Variants in CTNNA3 observed in about 807,000 individuals in gnomAD.
The protein encoded by CTNNA3 is catenin alpha-3.
In CTNNA3, 76 loss-of-function variants were observed where a neutral mutation model predicts 95.7. The observed-to-expected ratio is 0.79, with a 90% CI of 0.66 to 0.96. The LOEUF (loss-of-function observed/expected upper bound fraction) is 0.96, where lower values mean the gene tolerates loss of function less well. Among genes scored for constraint, CTNNA3 ranks in the 40% least tolerant of loss-of-function variants. CTNNA3 has a pLI of 0.00. For synonymous variants in CTNNA3, 431 were observed against 374.4 expected, an observed-to-expected ratio of 1.15 and a Z score of -1.74; for missense variants, 1,191 against 1,089.8, an observed-to-expected ratio of 1.09 and a Z score of -1.31.
intron 5 of CTNNA3, among the ~76,000 whole-genome samples, chr10:67,375,170 C>A (rs1843641404): frequency 6.6e-6 from 1 of 152,196 alleles, no homozygotes; most frequent in Non-Finnish European, 1.5e-5. Context: ...CCTAACTCTA[C>A]CACTAACTAG....
At chr10:67,117,799 T>A (rs17209962) in intron 7 of CTNNA3, among the ~76,000 whole-genome samples, 8,457 of 152,032 alleles carry the variant, frequency 0.056, 347 homozygotes, top group South Asian at 0.18. Flanking sequence ...GCTGTGCAAT[T>A]AGGTTAATAA....
intron 12 of CTNNA3, among the ~76,000 whole-genome samples, chr10:66,329,578 GAAA>G (rs34732600): frequency 0.062 from 9,216 of 149,550 alleles, 448 homozygotes; most frequent in East Asian, 0.11. Flanking sequence ...ATGTTTCAGG[GAAA>G]AAAAAAAAAA....
chr10:66,197,099 CT>C (rs1338868923), intron 13 of CTNNA3, among the ~76,000 whole-genome samples: 1 of 152,156 alleles, frequency 6.6e-6, no homozygotes, highest in African/African-American at 2.4e-5. Context: ...TGTCACCTGA[CT>C]TTCCAATTTT....
At chr10:66,052,487 A>C (rs995168909) in intron 15 of CTNNA3, among the ~76,000 whole-genome samples, 1 of 152,200 alleles carries the variant, frequency 6.6e-6, no homozygotes, top group Non-Finnish European at 1.5e-5. Flanking sequence ...TGTTTACTAG[A>C]GAGGGTCAAG....
chr10:66,704,241 C>T (rs554731908), intron 9 of CTNNA3, among the ~76,000 whole-genome samples: 4 of 152,186 alleles, frequency 2.6e-5, no homozygotes, highest in African/African-American at 4.8e-5. Context: ...ATATGGTAGT[C>T]AACACTATAC....
chr10:67,218,080 T>TC (rs1864468183), intron 6 of CTNNA3, among the ~76,000 whole-genome samples: 2 of 152,198 alleles, frequency 1.3e-5, no homozygotes, highest in South Asian at 4.1e-4. Context: ...AGATAATTCA[T>TC]TAGGTATATG....
chr10:66,744,391 G>C (rs1444205336), intron 9 of CTNNA3, among the ~76,000 whole-genome samples: 1 of 152,096 alleles, frequency 6.6e-6, no homozygotes. Flanking sequence ...TTTAGTGTTA[G>C]AAGCACCTTA....
intron 9 of CTNNA3, among the ~76,000 whole-genome samples, chr10:66,685,004 C>T (rs1226312443): frequency 1.3e-5 from 2 of 151,032 alleles, no homozygotes; most frequent in Admixed American, 6.6e-5. Flanking sequence ...TCTATCATGG[C>T]TAATAGTTCA....
chr10:66,361,980 G>T (rs2092679521), intron 12 of CTNNA3, among the ~76,000 whole-genome samples: 1 of 151,718 alleles, frequency 6.6e-6, no homozygotes, highest in African/African-American at 2.4e-5. Flanking sequence ...AACTTTATTA[G>T]CCTTTGTAAT....
chr10:66,005,970 T>G (rs143861106), intron 15 of CTNNA3, among the ~76,000 whole-genome samples: 2,323 of 151,362 alleles, frequency 0.015, 57 homozygotes, highest in African/African-American at 0.053. Context: ...GTGGTGCCTT[T>G]CCAGACTCAT....
intron 7 of CTNNA3, among the ~76,000 whole-genome samples, chr10:66,831,602 T>G (rs1842722786): frequency 6.6e-6 from 1 of 152,104 alleles, no homozygotes; most frequent in Non-Finnish European, 1.5e-5. Flanking sequence ...ATAAGCACCA[T>G]GAAAGCAGCG....
chr10:66,675,856 A>G (rs74141634), intron 9 of CTNNA3, among the ~76,000 whole-genome samples: 5,167 of 152,158 alleles, frequency 0.034, 313 homozygotes, highest in African/African-American at 0.12. Flanking sequence ...GCTATGACAG[A>G]ATATTTGGGA....
chr10:66,445,550 G>A (rs1046378695), intron 11 of CTNNA3, among the ~76,000 whole-genome samples: 2 of 152,070 alleles, frequency 1.3e-5, no homozygotes, highest in African/African-American at 4.8e-5. Flanking sequence ...CATGGAAACG[G>A]AACAACTTGC....
intron 9 of CTNNA3, among the ~76,000 whole-genome samples, chr10:66,642,618 T>A (rs1041852456): frequency 6.6e-6 from 1 of 152,068 alleles, no homozygotes; most frequent in African/African-American, 2.4e-5. Flanking sequence ...CCAAACAAGG[T>A]ACTAAATATA....
chr10:67,317,032 C>A (rs1183874861), intron 5 of CTNNA3, among the ~76,000 whole-genome samples: 7 of 152,126 alleles, frequency 4.6e-5, no homozygotes, highest in Non-Finnish European at 1.0e-4. Context: ...CATTTCATTT[C>A]TTTATGCTTA....
At chr10:66,772,402 G>GGA (rs1840125439) in intron 8 of CTNNA3, among the ~76,000 whole-genome samples, 5 of 149,362 alleles carry the variant, frequency 3.3e-5, no homozygotes, top group Admixed American at 2.7e-4. Flanking sequence ...TCCAGCCTGG[G>GGA]CGGTACAGTG....
At chr10:67,076,752 C>G (rs141675716) in intron 7 of CTNNA3, among the ~76,000 whole-genome samples, 110 of 152,212 alleles carry the variant, frequency 7.2e-4, no homozygotes, top group African/African-American at 2.6e-3. Context: ...AAAAATACTA[C>G]AACATAAACT....
intron 9 of CTNNA3, among the ~76,000 whole-genome samples, chr10:66,634,963 C>G (rs1239059225): frequency 1.3e-5 from 2 of 152,098 alleles, no homozygotes. Flanking sequence ...AAATTGAAGT[C>G]TGCAATGTAG....
chr10:66,104,479 G>A (rs894739551), intron 13 of CTNNA3, among the ~76,000 whole-genome samples: 1 of 152,144 alleles, frequency 6.6e-6, no homozygotes, highest in Non-Finnish European at 1.5e-5. Context: ...GGGGATACAA[G>A]TGGGTTTTGG....
Sources: allele counts gnomAD v4.1 joint callset (sites outside exome capture counted in the v4.1 genomes callset), GRCh38; gene constraint gnomAD v4.1.1; transcripts MANE v1.5; gene names NCBI Gene and HGNC (gene_info 2026-07-23, HGNC 2026-07-21).